The following SLC10A7 variants were observed in gnomAD, a reference collection of about 807,000 sequenced individuals.
SLC10A7 encodes the protein sodium/bile acid cotransporter 7.
A neutral mutation model predicts 43.2 loss-of-function variants in SLC10A7; 29 were observed. The ratio of observed to expected loss-of-function variants is 0.67; its 90% confidence interval spans 0.50 to 0.92. SLC10A7 has a LOEUF of 0.92. SLC10A7 is among the 40% of genes least tolerant of loss of function. The probability of loss-of-function intolerance (pLI) is 0.00; values close to 1 mark genes in which losing one functional copy is unlikely to be tolerated. For synonymous variants in SLC10A7, 152 were observed against 144.8 expected, an observed-to-expected ratio of 1.05 and a Z score of -0.35; for missense variants, 295 against 403.2, an observed-to-expected ratio of 0.73 and a Z score of 2.30.
At chr4:146,307,199 A>G (rs539532196) in intron 6 of SLC10A7, among the ~76,000 whole-genome samples, 15 of 152,124 alleles carry the variant, frequency 9.9e-5, no homozygotes, top group African/African-American at 3.6e-4. Flanking sequence ...ATCTGCATAC[A>G]CTCAAAATGC....
rs535052095 is a variant in SLC10A7 at position 146,349,648 on chromosome 4, GTACT to G, written c.436-23656_436-23653del. On this transcript the variant is annotated intron_variant, in intron 5 of 11. Transcript: ENST00000335472. ...CAGTGGATTAGATAAAGAAAATGTG[GTACT>G]TATATACTATAGAATACTATGCAGC... Among the ~76,000 whole-genome samples the G allele has an allele frequency of 3.9e-3, 595 of 152,220 alleles. 2 individuals carry two copies. Among genetic ancestry groups the G allele is most frequent in the African/African-American group, 0.013 (545 of 41,538 alleles).
At chr4:146,264,432 T>TA (rs1229973842) in intron 10 of SLC10A7, among the ~76,000 whole-genome samples, 1 of 152,234 alleles carries the variant, frequency 6.6e-6, no homozygotes, top group Non-Finnish European at 1.5e-5. Context: ...AGAGCTTACT[T>TA]ACTTGTGTAG....
chr4:146,360,547 C>T (rs1045997521), intron 5 of SLC10A7, among the ~76,000 whole-genome samples: 1 of 152,014 alleles, frequency 6.6e-6, no homozygotes, highest in African/African-American at 2.4e-5. Context: ...CTCAAAATAT[C>T]CTACTGCCTC....
intron 11 of SLC10A7, among the ~76,000 whole-genome samples, chr4:146,258,331 C>T (rs1464063186): frequency 1.3e-5 from 2 of 152,146 alleles, no homozygotes; most frequent in Non-Finnish European, 2.9e-5. Flanking sequence ...TGAAGTAAGA[C>T]ATAGATGAAA....
At chr4:146,518,331 T>C (rs1738209197) in intron 1 of SLC10A7, among the ~76,000 whole-genome samples, 1 of 152,142 alleles carries the variant, frequency 6.6e-6, no homozygotes, top group African/African-American at 2.4e-5. Flanking sequence ...TGTCATAACT[T>C]GGGGGATAGG....
At chr4:146,276,571 A>T (rs569510535) in intron 10 of SLC10A7, among the ~76,000 whole-genome samples, 1 of 152,360 alleles carries the variant, frequency 6.6e-6, no homozygotes, top group South Asian at 2.1e-4. Context: ...TAATAATCTA[A>T]ATAAAAGAAA....
At chr4:146,333,847 A>T (rs1377295053) in intron 5 of SLC10A7, among the ~76,000 whole-genome samples, 1 of 152,064 alleles carries the variant, frequency 6.6e-6, no homozygotes, top group Admixed American at 6.6e-5. Context: ...ACTTTAGAGA[A>T]CACATTAAAG....
At chr4:146,323,279 T>C (rs1223907107) in intron 6 of SLC10A7, among the ~76,000 whole-genome samples, 4 of 152,248 alleles carry the variant, frequency 2.6e-5, no homozygotes, top group African/African-American at 4.8e-5. Flanking sequence ...TTTGGTGTTT[T>C]AGACATGAAG....
At chr4:146,485,443 A>T (rs557615337) in intron 4 of SLC10A7, among the ~76,000 whole-genome samples, 2 of 152,216 alleles carry the variant, frequency 1.3e-5, no homozygotes, top group Admixed American at 6.5e-5. Flanking sequence ...AGGGTCACAT[A>T]GTTTGGAAGA....
intron 5 of SLC10A7, among the ~76,000 whole-genome samples, chr4:146,383,004 G>A (rs1737740545): frequency 6.6e-6 from 1 of 151,824 alleles, no homozygotes; most frequent in South Asian, 2.1e-4. Flanking sequence ...CTCATGCATG[G>A]CTCCCCGATT....
At chr4:146,384,669 A>C (rs1737862837) in intron 5 of SLC10A7, among the ~76,000 whole-genome samples, 1 of 152,108 alleles carries the variant, frequency 6.6e-6, no homozygotes, top group Non-Finnish European at 1.5e-5. Flanking sequence ...CTTTTATAGA[A>C]ATATAAAATC....
At chr4:146,332,254 A>G (rs537645936) in intron 5 of SLC10A7, among the ~76,000 whole-genome samples, 30 of 152,310 alleles carry the variant, frequency 2.0e-4, no homozygotes, top group African/African-American at 6.5e-4. Flanking sequence ...GTGAAGACAG[A>G]GGCATCCAAC....
At chr4:146,502,496 A>T (rs1736512023) in intron 4 of SLC10A7, among the ~76,000 whole-genome samples, 2 of 152,166 alleles carry the variant, frequency 1.3e-5, no homozygotes, top group East Asian at 3.9e-4. Context: ...ACTTACACCT[A>T]CTGGATGATA....
At chr4:146,281,354 A>C (rs1253698748) in intron 10 of SLC10A7, among the ~76,000 whole-genome samples, 1 of 151,970 alleles carries the variant, frequency 6.6e-6, no homozygotes, top group African/African-American at 2.4e-5. Context: ...TTTTCCTGAC[A>C]AAAGCAAGTC....
chr4:146,289,473 A>C (rs1433893450), intron 9 of SLC10A7, among the ~76,000 whole-genome samples: 1 of 151,952 alleles, frequency 6.6e-6, no homozygotes, highest in Non-Finnish European at 1.5e-5. Context: ...CTTTTTATAT[A>C]TTTTTAAAAG....
intron 5 of SLC10A7, among the ~76,000 whole-genome samples, chr4:146,387,397 A>G (rs547747209): frequency 6.6e-6 from 1 of 152,348 alleles, no homozygotes; most frequent in African/African-American, 2.4e-5. Flanking sequence ...ACATAGAAAA[A>G]GCATCTGATA....
chr4:146,280,809 G>A (rs1421083353), intron 10 of SLC10A7, among the ~76,000 whole-genome samples: 1 of 152,118 alleles, frequency 6.6e-6, no homozygotes, highest in African/African-American at 2.4e-5. Flanking sequence ...CTAAGAGACT[G>A]TAAGACAGAA....
intron 4 of SLC10A7, among the ~76,000 whole-genome samples, chr4:146,464,741 G>A (rs1732853006): frequency 6.6e-6 from 1 of 151,848 alleles, no homozygotes; most frequent in South Asian, 2.1e-4. Context: ...ATTTCTGGAG[G>A]AAAAAAATTG....
chr4:146,521,536 A>T (rs977392812), intron 1 of SLC10A7, 82 bp downstream of exon 1: 22 of 1,175,422 alleles, frequency 1.9e-5, no homozygotes, highest in Non-Finnish European at 2.6e-5. Flanking sequence ...GCTTGCAATG[A>T]GGGTTGCCCC....
Sources: allele counts gnomAD v4.1 joint callset (sites outside exome capture counted in the v4.1 genomes callset), GRCh38; gene constraint gnomAD v4.1.1; transcripts MANE v1.5; gene names NCBI Gene and HGNC (gene_info 2026-07-23, HGNC 2026-07-21).